Variants in SERTM2 observed in about 807,000 individuals in gnomAD.
SERTM2 encodes serine-rich and transmembrane domain-containing protein 2.
In SERTM2 at chrX:111,519,689, A is replaced by G. The variant is rs1930380161; in HGVS notation, c.*559A>G. ...CGGTTTGTTTCAAATGAAAGAAGAG[A>G]TTTAAAGAAACTGTTTCAGTTTAGA... On this transcript the variant is annotated 3_prime_UTR_variant, in exon 3 of 3. Transcript: ENST00000569275. 8.9e-6 allele frequency: 1 copy of G among 112,074 alleles called. No individual in the cohort carries two copies. Among genetic ancestry groups the G allele is most frequent in the Non-Finnish European group, 1.9e-5 (1 of 53,214 alleles). 9.2% of individuals were successfully genotyped at this position (112,074 alleles called of 1,213,427 possible).
intron 2 of SERTM2, among the ~76,000 whole-genome samples, chrX:111,517,159 T>C (rs759462549): frequency 2.7e-5 from 3 of 111,178 alleles, no homozygotes; most frequent in East Asian, 5.7e-4. Context: ...TCTATAACTA[T>C]TGGGGGGAAA....
At chrX:111,517,875 A>T (rs1304085077) in intron 2 of SERTM2, among the ~76,000 whole-genome samples, 200 bp from the exon 3 acceptor site, 2 of 111,353 alleles carry the variant, frequency 1.8e-5, no homozygotes, top group African/African-American at 6.5e-5. Context: ...TAGGTTAGTC[A>T]TTAGCTGCTG....
rs1930349155 is a variant in SERTM2 at position 111,518,116 on chromosome X, C to T, written c.-742C>T. On this transcript the variant is annotated 5_prime_UTR_variant, in exon 3 of 3. Coordinates refer to ENST00000569275, the MANE Select transcript of SERTM2 (RefSeq NM_001354473.2). Reference sequence around the variant, plus strand: ...TGGAGAATCTGAAGAGCCAAATCTCCTGAGCCTAGGCCTACTGCTGTCAGC... The same window carrying T: ...TGGAGAATCTGAAGAGCCAAATCTCTTGAGCCTAGGCCTACTGCTGTCAGC... The T allele has an allele frequency of 1.8e-5, 2 of 111,377 alleles. No homozygotes were observed. The highest frequency in any genetic ancestry group is 3.8e-5 in the Non-Finnish European group (2 of 53,034). 9.2% of individuals were successfully genotyped at this position (111,377 alleles called of 1,213,427 possible).
In SERTM2 at chrX:111,512,056, T is replaced by G. The variant is rs1930235801; in HGVS notation, c.-822T>G. 3.4e-6 allele frequency: 1 copy of G among 294,852 alleles called. No individual in the cohort carries two copies. Among genetic ancestry groups the G allele is most frequent in the Non-Finnish European group, 5.9e-6 (1 of 169,155 alleles). The allele number at this position is 294,852 out of a possible 1,213,427, so 24.3% of individuals were successfully genotyped here. A position where few individuals can be genotyped will look rare whatever the true frequency, so the allele number is the denominator to read the frequency against. On this transcript the variant is annotated 5_prime_UTR_variant, in exon 2 of 3. Transcript: ENST00000569275. ...TTGGTGAAAGCTTCAAAAGGGATAC[T>G]TAAGTGACCAATCCTATTCATACTG...
chrX:111,522,171 T>C lies in SERTM2; in HGVS notation c.*3041T>C, dbSNP rs1162043685. 1.8e-5 allele frequency: 2 copies of C among 111,880 alleles called. No individual in the cohort carries two copies. The highest frequency in any genetic ancestry group is 6.5e-5 in the African/African-American group (2 of 30,808). The allele number at this position is 111,880 out of a possible 1,213,427, so 9.2% of individuals were successfully genotyped here. Reference sequence around the variant, plus strand: ...GTATAAGGGATCCATTTTAATACATTTCAATGGTTATATTTAGTAATACAT... The same window carrying C: ...GTATAAGGGATCCATTTTAATACATCTCAATGGTTATATTTAGTAATACAT... On this transcript the variant is annotated 3_prime_UTR_variant, in exon 3 of 3. Coordinates refer to ENST00000569275, the MANE Select transcript of SERTM2 (RefSeq NM_001354473.2).
chrX:111,520,355 T>G lies in SERTM2; in HGVS notation c.*1225T>G, dbSNP rs935261570. On this transcript the variant is annotated 3_prime_UTR_variant, in exon 3 of 3. Transcript: ENST00000569275. ...ATGAGTACCATTTACAAATCAGAAT[T>G]TAAAAAACTGGTCATATTCTTGCCA... 9.0e-6 allele frequency: 1 copy of G among 111,577 alleles called. No individual in the cohort carries two copies. The highest frequency in any genetic ancestry group is 3.3e-5 in the African/African-American group (1 of 30,680). 9.2% of individuals were successfully genotyped at this position (111,577 alleles called of 1,213,427 possible). A position where few individuals can be genotyped will look rare whatever the true frequency, so the allele number is the denominator to read the frequency against.
intron 2 of SERTM2, among the ~76,000 whole-genome samples, chrX:111,517,282 T>C (rs1468353567): frequency 1.8e-5 from 2 of 111,570 alleles, no homozygotes; most frequent in African/African-American, 6.5e-5. Flanking sequence ...CAATTGTCAC[T>C]GGGATCTGGA....
At position 111,522,382 on chromosome X, in the gene SERTM2, T is replaced by A. The variant is rs1022764155; in HGVS notation, c.*3252T>A. 2 of 111,793 alleles carry A rather than the reference T, an allele frequency of 1.8e-5. No homozygotes were observed. The highest frequency in any genetic ancestry group is 6.5e-5 in the African/African-American group (2 of 30,714). The allele number at this position is 111,793 out of a possible 1,213,427, so 9.2% of individuals were successfully genotyped here. ...TTTTTGATCCCTGGACAATAAATAA[T>A]GACTGGTTTGATGATAACACGTATC... is the stretch of plus-strand genomic sequence containing the variant. On this transcript the variant is annotated 3_prime_UTR_variant, in exon 3 of 3. Coordinates refer to ENST00000569275, the MANE Select transcript of SERTM2 (RefSeq NM_001354473.2).
At position 111,521,965 on chromosome X, in the gene SERTM2, C is replaced by T. The variant is rs1335862310; in HGVS notation, c.*2835C>T. ...ATATATTTCAGAATCATGGGTTGTA[C>T]AAAATGAAGTATATTGTAAAAGGCT... is the stretch of plus-strand genomic sequence containing the variant. On this transcript the variant is annotated 3_prime_UTR_variant, in exon 3 of 3. Coordinates refer to ENST00000569275, the MANE Select transcript of SERTM2 (RefSeq NM_001354473.2). 3 of 111,305 alleles carry T rather than the reference C, an allele frequency of 2.7e-5. No individual in the cohort carries two copies. Among genetic ancestry groups the T allele is most frequent in the Non-Finnish European group, 5.7e-5 (3 of 53,061 alleles). The allele number at this position is 111,305 out of a possible 1,213,427, so 9.2% of individuals were successfully genotyped here.
At chrX:111,515,824 G>A (rs910191057) in intron 2 of SERTM2, among the ~76,000 whole-genome samples, 10 of 110,441 alleles carry the variant, frequency 9.1e-5, no homozygotes, top group South Asian at 7.8e-4. Context: ...GAAAGGGTCC[G>A]TGTTTTTATT....
intron 2 of SERTM2, among the ~76,000 whole-genome samples, chrX:111,517,021 G>A (rs190162789): frequency 1.8e-5 from 2 of 111,475 alleles, no homozygotes; most frequent in African/African-American, 3.3e-5. Context: ...CTTCAGCAGT[G>A]AATAGTTGAC....
At chrX:111,515,040 A>G (rs149856298) in intron 2 of SERTM2, among the ~76,000 whole-genome samples, 55 of 110,501 alleles carry the variant, frequency 5.0e-4, no homozygotes, top group African/African-American at 1.8e-3. Context: ...GTTATTCTCA[A>G]TCTTAAAGTT....
chrX:111,516,744 A>G (rs1210223567), intron 2 of SERTM2, among the ~76,000 whole-genome samples: 1 of 111,363 alleles, frequency 9.0e-6, no homozygotes, highest in Non-Finnish European at 1.9e-5. Context: ...AAGTATAGTA[A>G]CGTGGGCTAG....
chrX:111,515,252 C>G (rs894316322), intron 2 of SERTM2, among the ~76,000 whole-genome samples: 1 of 111,478 alleles, frequency 9.0e-6, no homozygotes, highest in African/African-American at 3.3e-5. Context: ...TTGACTTGCA[C>G]TAGCAGTGAG....
chrX:111,521,428 T>A lies in SERTM2; in HGVS notation c.*2298T>A, dbSNP rs1408412853. ...ACCCAATTTCCAGTGACAATATAAATGGAAATGCTTTTAAGCAGATGTGTC... is the reference window on the plus strand; with the variant it reads ...ACCCAATTTCCAGTGACAATATAAAAGGAAATGCTTTTAAGCAGATGTGTC... On this transcript the variant is annotated 3_prime_UTR_variant, in exon 3 of 3. Transcript: ENST00000569275. 1 of 111,279 alleles carries A rather than the reference T, an allele frequency of 9.0e-6. No homozygotes were observed. Among genetic ancestry groups the A allele is most frequent in the Admixed American group, 9.6e-5 (1 of 10,432 alleles). The allele number at this position is 111,279 out of a possible 1,213,427, so 9.2% of individuals were successfully genotyped here. A position where few individuals can be genotyped will look rare whatever the true frequency, so the allele number is the denominator to read the frequency against.
At position 111,519,541 on chromosome X, in the gene SERTM2, C is replaced by T. The variant is rs1930377350; in HGVS notation, c.*411C>T. On this transcript the variant is annotated 3_prime_UTR_variant, in exon 3 of 3. Transcript: ENST00000569275. ...CAAAGAGGATATCCCAAGAAAAGGA[C>T]AAGTTCTAATTTAGTGTTTTGATCC... 1 of 113,614 alleles carries T rather than the reference C, an allele frequency of 8.8e-6. No homozygotes were observed. The highest frequency in any genetic ancestry group is 1.8e-5 in the Non-Finnish European group (1 of 54,499). 9.4% of individuals were successfully genotyped at this position (113,614 alleles called of 1,213,427 possible).
In SERTM2 at chrX:111,519,448, G is replaced by A. The variant is rs187356565; in HGVS notation, c.*318G>A. On this transcript the variant is annotated 3_prime_UTR_variant, in exon 3 of 3. Transcript: ENST00000569275. ...AGAAATTCATGCGCAGTGGTTGTAA[G>A]AAGCACAGGGTCCCTGGAAGCTCCA... 5.6e-4 allele frequency: 83 copies of A among 147,266 alleles called. No individual in the cohort carries two copies. The highest frequency in any genetic ancestry group is 2.5e-3 in the African/African-American group (80 of 32,364). 12.1% of individuals were successfully genotyped at this position (147,266 alleles called of 1,213,427 possible).
intron 2 of SERTM2, among the ~76,000 whole-genome samples, chrX:111,512,887 G>T (rs1930252481): frequency 9.0e-6 from 1 of 111,455 alleles, no homozygotes; most frequent in Non-Finnish European, 1.9e-5. Flanking sequence ...ACATTTCAAT[G>T]TTTATACTAA....
In SERTM2 at chrX:111,518,583, A is replaced by G. The variant is rs1930357483; in HGVS notation, c.-275A>G. 1 of 270,470 alleles carries G rather than the reference A, an allele frequency of 3.7e-6. No homozygotes were observed. Among genetic ancestry groups the G allele is most frequent in the Non-Finnish European group, 6.5e-6 (1 of 153,351 alleles). 22.3% of individuals were successfully genotyped at this position (270,470 alleles called of 1,213,427 possible). ...TATAAAAGTAGGAGTGTGGAAAATA[A>G]AACATTACTTGTATTTTTAAAAATT... is the stretch of plus-strand genomic sequence containing the variant. On this transcript the variant is annotated 5_prime_UTR_variant, in exon 3 of 3. Transcript: ENST00000569275.
Sources: allele counts gnomAD v4.1 joint callset (sites outside exome capture counted in the v4.1 genomes callset), GRCh38; gene constraint gnomAD v4.1.1; transcripts MANE v1.5; gene names NCBI Gene and HGNC (gene_info 2026-07-23, HGNC 2026-07-21).